CSMD1: variants seen among roughly 807,000 people sequenced by gnomAD.
The protein encoded by CSMD1 is CUB and sushi domain-containing protein 1.
In CSMD1, 213 loss-of-function variants were observed where a neutral mutation model predicts 417.5. That is an observed-to-expected ratio of 0.51 (90% confidence interval 0.46 to 0.57). CSMD1 has a LOEUF of 0.57. CSMD1 is among the 20% of genes least tolerant of loss of function. CSMD1 has a pLI of 0.00. For missense variants in CSMD1, 6,923 were observed against 4,529.7 expected (o/e 1.53, Z -15.17); for synonymous variants, 2,862 against 1,736.8 (o/e 1.65, Z -16.11).
chr8:4,199,583 C>A (rs555501809), intron 3 of CSMD1, among the ~76,000 whole-genome samples: 1 of 152,242 alleles, frequency 6.6e-6, no homozygotes, highest in African/African-American at 2.4e-5. Flanking sequence ...AACAGACAAA[C>A]CAATTTATCT....
intron 1 of CSMD1, among the ~76,000 whole-genome samples, chr8:4,977,550 GCA>G (rs1810634566): frequency 1.3e-5 from 2 of 152,288 alleles, no homozygotes; most frequent in African/African-American, 4.8e-5. Context: ...GGAACACAGC[GCA>G]CAGTGGCTGG....
At chr8:3,476,553 G>C (rs1408841339) in intron 11 of CSMD1, among the ~76,000 whole-genome samples, 1 of 152,070 alleles carries the variant, frequency 6.6e-6, no homozygotes, top group Non-Finnish European at 1.5e-5. Context: ...TTTTCCGCTT[G>C]CAATCTCAAA....
chr8:3,855,608 A>G (rs1473474398), intron 5 of CSMD1, among the ~76,000 whole-genome samples: 1 of 152,204 alleles, frequency 6.6e-6, no homozygotes, highest in Non-Finnish European at 1.5e-5. Context: ...ATGACTGAGT[A>G]TGCTAATTCC....
At chr8:4,354,113 C>G (rs542528622) in intron 3 of CSMD1, among the ~76,000 whole-genome samples, 1 of 152,096 alleles carries the variant, frequency 6.6e-6, no homozygotes, top group Non-Finnish European at 1.5e-5. Flanking sequence ...TTAACTTGCC[C>G]AAGAACGCGC....
At chr8:3,737,709 T>G (rs1796595550) in intron 6 of CSMD1, among the ~76,000 whole-genome samples, 1 of 152,162 alleles carries the variant, frequency 6.6e-6, no homozygotes, top group Non-Finnish European at 1.5e-5. Flanking sequence ...GTTTCTGACT[T>G]CCAAATTGAG....
chr8:4,088,545 C>G (rs540280653), intron 3 of CSMD1, among the ~76,000 whole-genome samples: 185 of 152,292 alleles, frequency 1.2e-3, no homozygotes, highest in Non-Finnish European at 2.4e-3. Context: ...AACTAAATCT[C>G]TCAAACCTTA....
At chr8:3,439,309 A>ATATATATATATATATT in intron 12 of CSMD1, among the ~76,000 whole-genome samples, 58 of 62,416 alleles carry the variant, frequency 9.3e-4, no homozygotes, top group Admixed American at 2.0e-3. Flanking sequence ...ATATATATAT[A>ATATATATATATATATT]TTTTTTTTTT....
chr8:3,965,536 A>G (rs1812623667), intron 5 of CSMD1, among the ~76,000 whole-genome samples: 1 of 152,232 alleles, frequency 6.6e-6, no homozygotes, highest in Non-Finnish European at 1.5e-5. Flanking sequence ...TAGAGCCTGA[A>G]CAACTAGGTC....
intron 4 of CSMD1, among the ~76,000 whole-genome samples, chr8:4,023,995 G>C (rs1281495486): frequency 2.6e-5 from 4 of 151,870 alleles, no homozygotes; most frequent in African/African-American, 9.7e-5. Flanking sequence ...AAATATAAAG[G>C]CTGACATATT....
At chr8:4,335,047 G>T (rs1800090153) in intron 3 of CSMD1, among the ~76,000 whole-genome samples, 1 of 152,030 alleles carries the variant, frequency 6.6e-6, no homozygotes, top group African/African-American at 2.4e-5. Flanking sequence ...GACCACAGAT[G>T]CACACCACCA....
At chr8:3,309,759 A>T (rs1472011347) in intron 23 of CSMD1, among the ~76,000 whole-genome samples, 1 of 152,196 alleles carries the variant, frequency 6.6e-6, no homozygotes, top group Non-Finnish European at 1.5e-5. Context: ...CCTCCTGTCA[A>T]TGTGAAGTCT....
chr8:3,275,411 T>A (rs371745229), intron 26 of CSMD1, among the ~76,000 whole-genome samples: 38 of 152,256 alleles, frequency 2.5e-4, no homozygotes, highest in African/African-American at 7.9e-4. Context: ...TGTGTCTTGG[T>A]GTTGCTCTTC....
At chr8:4,638,536 C>A (rs1296453570) in intron 1 of CSMD1, among the ~76,000 whole-genome samples, 2 of 152,146 alleles carry the variant, frequency 1.3e-5, no homozygotes, top group African/African-American at 4.8e-5. Context: ...TGATGTCTAC[C>A]CGTTCACACA....
intron 10 of CSMD1, among the ~76,000 whole-genome samples, chr8:3,502,788 G>A (rs1356238751): frequency 6.6e-6 from 1 of 152,182 alleles, no homozygotes; most frequent in Non-Finnish European, 1.5e-5. Context: ...GGTGGACACT[G>A]ACTTTATACA....
At chr8:4,159,796 G>A (rs575140272) in intron 3 of CSMD1, among the ~76,000 whole-genome samples, 1 of 152,110 alleles carries the variant, frequency 6.6e-6, no homozygotes, top group Non-Finnish European at 1.5e-5. Context: ...CACCGTGTTA[G>A]CCAGGATAGG....
intron 3 of CSMD1, among the ~76,000 whole-genome samples, chr8:4,349,744 C>G (rs1410258366): frequency 1.9e-4 from 29 of 151,810 alleles, no homozygotes; most frequent in Admixed American, 1.9e-3. Flanking sequence ...TGACATTTTT[C>G]AAATGCCCAA....
intron 1 of CSMD1, among the ~76,000 whole-genome samples, chr8:4,691,298 C>T (rs1806754481): frequency 6.6e-6 from 1 of 152,110 alleles, no homozygotes; most frequent in South Asian, 2.1e-4. Context: ...CAGCTGTAAG[C>T]CTTAGTTTAA....
At chr8:3,860,308 G>T (rs777134237) in intron 5 of CSMD1, among the ~76,000 whole-genome samples, 1 of 151,986 alleles carries the variant, frequency 6.6e-6, no homozygotes, top group African/African-American at 2.4e-5. Context: ...TAAAAACAAA[G>T]ATCTTTTAGA....
At chr8:4,614,531 C>T (rs1232307319) in intron 2 of CSMD1, among the ~76,000 whole-genome samples, 1 of 152,128 alleles carries the variant, frequency 6.6e-6, no homozygotes, top group Non-Finnish European at 1.5e-5. Flanking sequence ...AATTATGTAA[C>T]ATAGCACAAG....
Sources: allele counts gnomAD v4.1 joint callset (sites outside exome capture counted in the v4.1 genomes callset), GRCh38; gene constraint gnomAD v4.1.1; transcripts MANE v1.5; gene names NCBI Gene and HGNC (gene_info 2026-07-23, HGNC 2026-07-21).